The following CDK13 variants were observed in gnomAD, a reference collection of about 807,000 sequenced individuals.
CDK13 encodes cyclin dependent kinase 13.
In CDK13, 40 loss-of-function variants were observed where a neutral mutation model predicts 137.6. The ratio of observed to expected loss-of-function variants is 0.29; its 90% CI spans 0.23 to 0.38. The LOEUF is 0.38. CDK13 is among the 10% of genes least tolerant of loss of function. The pLI, the probability that CDK13 is intolerant of heterozygous loss-of-function variation, is 1.00. For missense variants in CDK13, 1,704 were observed against 1,951.8 expected, an observed-to-expected ratio of 0.87 and a Z score of 2.39; for synonymous variants, 869 against 760.1, an observed-to-expected ratio of 1.14 and a Z score of -2.36.
intron 5 of CDK13, among the ~76,000 whole-genome samples, chr7:40,008,422 T>G (rs897102300): frequency 2.0e-5 from 3 of 152,196 alleles, no homozygotes; most frequent in African/African-American, 7.2e-5. Flanking sequence ...GGTCCCTGAC[T>G]CAACCTAGTT....
Position 39,951,017 on chromosome 7 carries a change from C to T in CDK13, c.376C>T (p.Pro126Ser), listed in dbSNP as rs2116052785. The T allele has an allele frequency of 3.1e-6, 4 of 1,301,478 alleles. No homozygotes were observed. The highest frequency in any genetic ancestry group is 3.9e-6 in the Non-Finnish European group (4 of 1,027,948). 80.6% of individuals were successfully genotyped at this position (1,301,478 alleles called of 1,614,324 possible). Residue 126 changes from proline (P) to serine (S), a missense_variant, in exon 1 of 14, where the codon CCG (proline) becomes TCG (serine). Physicochemically the swap from Pro to Ser is moderately conservative, Grantham distance 74 (BLOSUM62 -1). Coordinates refer to ENST00000181839, the MANE Select transcript of CDK13 (RefSeq NM_003718.5). ...GCGTCGGGTCTTCTCGCTGCCCCAGCCGCAGCAGGACGGCGGTGGCGGTGC... is the reference window on the plus strand; with the variant it reads ...GCGTCGGGTCTTCTCGCTGCCCCAGTCGCAGCAGGACGGCGGTGGCGGTGC... ...EKRRVFSLPQ[P>S]QQDGGGGASS... is the part of the protein sequence containing the mutation.
intron 5 of CDK13, among the ~76,000 whole-genome samples, chr7:40,037,862 T>C (rs1584022888): frequency 6.6e-6 from 1 of 152,232 alleles, no homozygotes; most frequent in South Asian, 2.1e-4. Context: ...TTCTTAGTGA[T>C]TCTTTTTGTC....
Position 40,095,023 on chromosome 7 carries a change from C to T in CDK13, c.*43C>T, listed in dbSNP as rs1787015668. Reference sequence around the variant, plus strand: ...GGCACATCATTTTTATCTGGAAAGACTTTTCTAGCTGCAATTTAAGGCAGC... The same window carrying T: ...GGCACATCATTTTTATCTGGAAAGATTTTTCTAGCTGCAATTTAAGGCAGC... On this transcript the variant is annotated 3_prime_UTR_variant, in exon 14 of 14. Coordinates refer to ENST00000181839, the MANE Select transcript of CDK13 (RefSeq NM_003718.5). The T allele has an allele frequency of 7.5e-7, 1 of 1,341,320 alleles. No homozygotes were observed. Among genetic ancestry groups the T allele is most frequent in the African/African-American group, 1.5e-5 (1 of 66,952 alleles). The allele number at this position is 1,341,320 out of a possible 1,614,324, so 83.1% of individuals were successfully genotyped here.
chr7:40,000,579 T>G (rs559025865), intron 4 of CDK13, among the ~76,000 whole-genome samples: 17 of 152,228 alleles, frequency 1.1e-4, no homozygotes, highest in African/African-American at 4.1e-4. Flanking sequence ...AGCACAGCTA[T>G]TAGAGGCCAT....
intron 1 of CDK13, among the ~76,000 whole-genome samples, chr7:39,970,867 T>C (rs1316734163): frequency 6.6e-6 from 1 of 152,270 alleles, no homozygotes; most frequent in Non-Finnish European, 1.5e-5. Flanking sequence ...GTTTACCTTT[T>C]CAAATGCTTT....
Position 40,094,695 on chromosome 7 carries a change from G to A in CDK13, c.4254G>A (p.Leu1418=), listed in dbSNP as rs776889534. ...TTTACCTCAATGCTGGTCCCATGTT[G>A]TTTAGTGGAGACAAGGACCATAGAT... The part of the protein sequence containing the change: ...GDIYLNAGPM[L]FSGDKDHRFE... The change falls in exon 14 of 14, where the codon TTG becomes TTA. Residue 1418 remains leucine, a synonymous_variant. Coordinates refer to ENST00000181839, the MANE Select transcript of CDK13 (RefSeq NM_003718.5). 1.2e-6 allele frequency: 2 copies of A among 1,614,158 alleles called. No homozygotes were observed. The highest frequency in any genetic ancestry group is 1.7e-6 in the Non-Finnish European group (2 of 1,180,034).
chr7:40,022,947 T>A (rs1785158866), intron 5 of CDK13, among the ~76,000 whole-genome samples: 1 of 152,018 alleles, frequency 6.6e-6, no homozygotes, highest in Admixed American at 6.6e-5. Context: ...TTCTTTTACT[T>A]GTTTTCTCAA....
At chr7:40,089,152 A>G (rs1161000567) in intron 12 of CDK13, among the ~76,000 whole-genome samples, 2 of 145,496 alleles carry the variant, frequency 1.4e-5, no homozygotes, top group East Asian at 4.2e-4. Flanking sequence ...TGAGAAGGGA[A>G]GGCCAGGCAT....
chr7:40,057,253 C>T (rs754344677), intron 7 of CDK13, among the ~76,000 whole-genome samples: 7 of 151,414 alleles, frequency 4.6e-5, no homozygotes, highest in Non-Finnish European at 8.8e-5. Context: ...AAAACTGTCT[C>T]AAAAGAAAAA....
chr7:39,960,794 C>T (rs1475710306), intron 1 of CDK13, among the ~76,000 whole-genome samples: 11 of 149,556 alleles, frequency 7.4e-5, no homozygotes, highest in African/African-American at 1.7e-4. Flanking sequence ...AGGCTGGTCT[C>T]GAACTCCTGA....
Position 40,098,245 on chromosome 7 carries a change from T to C in CDK13, c.*3265T>C, listed in dbSNP as rs1247868601. ...GCCTATTTGTAAGAAATATCAAGACTTCTTGAGAAAAATGAAAAGTGAATA... is the reference window on the plus strand; with the variant it reads ...GCCTATTTGTAAGAAATATCAAGACCTCTTGAGAAAAATGAAAAGTGAATA... On this transcript the variant is annotated 3_prime_UTR_variant, in exon 14 of 14. Coordinates refer to ENST00000181839, the MANE Select transcript of CDK13 (RefSeq NM_003718.5). The C allele has an allele frequency of 6.6e-6, 1 of 152,256 alleles. No homozygotes were observed. Among genetic ancestry groups the C allele is most frequent in the African/African-American group, 2.4e-5 (1 of 41,578 alleles). The allele number at this position is 152,256 out of a possible 1,614,324, so 9.4% of individuals were successfully genotyped here.
At chr7:39,974,570 T>TTTTTTTTTTTTTTG (rs1784066953) in intron 1 of CDK13, among the ~76,000 whole-genome samples, 1 of 133,680 alleles carries the variant, frequency 7.5e-6, no homozygotes, top group Non-Finnish European at 1.7e-5. Context: ...TTTTTTTTTT[T>TTTTTTTTTTTTTTG]TTTTTGTTTT....
At chr7:40,021,103 GTATATATATA>G (rs146480658) in intron 5 of CDK13, among the ~76,000 whole-genome samples, 475 of 42,556 alleles carry the variant, frequency 0.011, 8 homozygotes, top group African/African-American at 0.014. Flanking sequence ...GCAAACAAAC[GTATATATATA>G]TATATATATA....
chr7:40,085,915 GA>G (rs1786776489), intron 11 of CDK13, among the ~76,000 whole-genome samples: 1 of 152,070 alleles, frequency 6.6e-6, no homozygotes, highest in African/African-American at 2.4e-5. Context: ...ACAAAAGCTA[GA>G]ATGCTGAAAA....
chr7:39,951,905 C>T (rs62456070), intron 1 of CDK13, 53 bp downstream of exon 1: 1 of 1,317,158 alleles, frequency 7.6e-7, no homozygotes, highest in African/African-American at 1.5e-5. Flanking sequence ...GCCAGATCCC[C>T]AGGAGGAAGG....
intron 1 of CDK13, chr7:39,985,616 C>G (rs1191095598): frequency 1.3e-5 from 2 of 152,160 alleles, no homozygotes; most frequent in African/African-American, 4.8e-5. Flanking sequence ...TCCCTTTTCT[C>G]CACATTCTCG....
At chr7:40,065,801 A>C (rs1012103959) in intron 9 of CDK13, among the ~76,000 whole-genome samples, 1 of 152,254 alleles carries the variant, frequency 6.6e-6, no homozygotes, top group Non-Finnish European at 1.5e-5. Context: ...TGTAAAATTT[A>C]TGAAGAAACC....
chr7:40,094,519 G>A lies in CDK13; in HGVS notation c.4078G>A (p.Ala1360Thr). 6.2e-7 allele frequency: 1 copy of A among 1,612,836 alleles called. No homozygotes were observed. Among genetic ancestry groups the A allele is most frequent in the Non-Finnish European group, 8.5e-7 (1 of 1,179,600 alleles). The change falls in exon 14 of 14, where the codon GCT (alanine) becomes ACT (threonine). Residue 1360 changes from alanine to threonine, a missense_variant. Ala to Thr is a moderately conservative substitution (Grantham distance 58). Transcript: ENST00000181839. ...VSNDGLGSSS[A>T]PPLERRSFIG... ...CAATGATGGTCTAGGAAGCAGTTCT[G>A]CTCCACCACTAGAACGACGTAGTTT...
rs143379108 is a variant in CDK13, at chr7:40,083,307, CAAA to C, written c.3029+4470_3029+4472del. 8.6e-3 allele frequency among the ~76,000 whole-genome samples: 691 copies of C among 79,922 alleles called. 3 individuals carry two copies. Among genetic ancestry groups the C allele is most frequent in the Non-Finnish European group, 0.014 (490 of 35,992 alleles). The allele number at this position is 79,922 out of a possible 152,430, so 52.4% of individuals were successfully genotyped here. On this transcript the variant is annotated intron_variant, in intron 11 of 13. Coordinates refer to ENST00000181839, the MANE Select transcript of CDK13 (RefSeq NM_003718.5). ...GTAACATAAGGAGACCCTGTCTTTA[CAAA>C]AAAAAAAAAAAAAGATGAAGAATTA...
Sources: gnomAD v4.1 joint callset for allele counts (sites outside exome capture counted in the v4.1 genomes callset) on GRCh38, gnomAD v4.1.1 for gene constraint, MANE v1.5 for transcripts, NCBI Gene and HGNC (gene_info 2026-07-23, HGNC 2026-07-21) for gene names.